TAB2: variants seen among roughly 807,000 people sequenced by gnomAD.
The protein encoded by TAB2 is TGF-beta activated kinase 1 (MAP3K7) binding protein 2, also known as TGF-beta-activated kinase 1 and MAP3K7-binding protein 2.
A neutral mutation model predicts 65.0 loss-of-function variants in TAB2; 3 were observed. The ratio of observed to expected loss-of-function variants is 0.05; its 90% CI spans 0.02 to 0.12. The LOEUF is 0.12. TAB2 is among the 10% of genes least tolerant of loss of function. The pLI, the probability that TAB2 is intolerant of heterozygous loss-of-function variation, is 1.00. For missense variants in TAB2, 623 were observed against 840.3 expected (o/e 0.74, Z 3.20); for synonymous variants, 298 against 285.1 (o/e 1.05, Z -0.46).
rs150843912 is a variant in TAB2 at position 149,327,860 on chromosome 6, T to C, written c.-90+9845T>C. On this transcript the variant is annotated intron_variant, in intron 1 of 6. Transcript: ENST00000637181. ...CTGCTTTTTTGCATATAAAAGTGCATTGACACGTGTTGAATGCCCTTTGAG... is the reference window on the plus strand; with the variant it reads ...CTGCTTTTTTGCATATAAAAGTGCACTGACACGTGTTGAATGCCCTTTGAG... Among the ~76,000 whole-genome samples the C allele has an allele frequency of 1.7e-3, 261 of 152,350 alleles. 1 individual carries two copies. The highest frequency in any genetic ancestry group is 5.8e-3 in the African/African-American group (243 of 41,572).
upstream of TAB2, chr6:149,218,172 G>A (rs1347285320): frequency 2.0e-5 from 3 of 152,218 alleles, no homozygotes; most frequent in Admixed American, 6.5e-5. Context: ...AATCTTTAAA[G>A]AAGAGTAGAA....
intron 1 of TAB2, among the ~76,000 whole-genome samples, chr6:149,232,374 C>T (rs566807194): frequency 6.6e-6 from 1 of 152,240 alleles, no homozygotes; most frequent in East Asian, 1.9e-4. Flanking sequence ...ATTACAGGCA[C>T]ACAACACCAC....
At chr6:149,308,934 A>G (rs547113291) in intron 1 of TAB2, among the ~76,000 whole-genome samples, 79 of 152,278 alleles carry the variant, frequency 5.2e-4, no homozygotes, top group Non-Finnish European at 9.1e-4. Flanking sequence ...TCTGTAGACT[A>G]TAAGTTCCAT....
intron 1 of TAB2, among the ~76,000 whole-genome samples, chr6:149,353,164 C>T (rs1780546437): frequency 6.6e-6 from 1 of 152,038 alleles, no homozygotes; most frequent in Admixed American, 6.6e-5. Context: ...TCCAGAAATT[C>T]TAAAACTCAT....
At chr6:149,348,128 C>T (rs756011565) in intron 1 of TAB2, among the ~76,000 whole-genome samples, 1 of 152,132 alleles carries the variant, frequency 6.6e-6, no homozygotes, top group Admixed American at 6.5e-5. Context: ...CACAGTGGCT[C>T]ACACCTGTTA....
intron 1 of TAB2, among the ~76,000 whole-genome samples, chr6:149,259,674 G>T (rs552456992): frequency 2.6e-5 from 4 of 152,210 alleles, no homozygotes; most frequent in Non-Finnish European, 5.9e-5. Flanking sequence ...TCATAAAAGA[G>T]TGGGGAGAGC....
At chr6:149,238,814 C>G (rs1777545790) in intron 1 of TAB2, among the ~76,000 whole-genome samples, 1 of 152,204 alleles carries the variant, frequency 6.6e-6, no homozygotes, top group South Asian at 2.1e-4. Flanking sequence ...TATGTGAGCA[C>G]AGCCGGATGT....
chr6:149,373,924 A>G (rs1462407850), intron 2 of TAB2, among the ~76,000 whole-genome samples: 1 of 152,204 alleles, frequency 6.6e-6, no homozygotes, highest in African/African-American at 2.4e-5. Context: ...TTGAAAAACT[A>G]CTGGATTCAT....
chr6:149,333,708 AGTGTGTGTGTGT>A (rs61004397), intron 1 of TAB2, among the ~76,000 whole-genome samples: 22 of 144,790 alleles, frequency 1.5e-4, no homozygotes, highest in East Asian at 4.1e-4. Flanking sequence ...CCAGATCCAT[AGTGTGTGTGTGT>A]GTGTGTGTGT....
At position 149,339,858 on chromosome 6, in the gene TAB2, C is replaced by T. The variant is rs532768949; in HGVS notation, c.-90+21843C>T. The stretch of plus-strand genomic sequence containing the variant: ...ACTCAGGTGATCCACCCGCCTCAGC[C>T]TCCCAAAGTGCTGAGCCACCATGCC... On this transcript the variant is annotated intron_variant, in intron 1 of 6. Coordinates refer to ENST00000637181, the MANE Select transcript of TAB2 (RefSeq NM_001292034.3). Among the ~76,000 whole-genome samples the T allele has an allele frequency of 8.5e-5, 13 of 152,238 alleles. No homozygotes were observed. In the South Asian group the frequency reaches 2.7e-3, roughly 32 times the overall value.
At chr6:149,280,235 A>G (rs1407717515) in intron 1 of TAB2, among the ~76,000 whole-genome samples, 1 of 152,164 alleles carries the variant, frequency 6.6e-6, no homozygotes, top group Non-Finnish European at 1.5e-5. Flanking sequence ...CTTGAATGTT[A>G]TCAGTACTAA....
intron 1 of TAB2, among the ~76,000 whole-genome samples, chr6:149,359,872 A>G (rs910312983): frequency 2.6e-5 from 4 of 152,198 alleles, no homozygotes; most frequent in Non-Finnish European, 4.4e-5. Context: ...TCAGTACACT[A>G]TCATTCTGGA....
At chr6:149,397,534 T>C in intron 3 of TAB2, 70 bp from the exon 4 acceptor site, 1 of 1,554,318 alleles carries the variant, frequency 6.4e-7, no homozygotes, top group African/African-American at 1.4e-5. Context: ...CTTGTTTGCT[T>C]TTCCAAGTCT....
intron 1 of TAB2, among the ~76,000 whole-genome samples, chr6:149,277,707 A>C (rs1443511303): frequency 6.6e-6 from 1 of 152,212 alleles, no homozygotes; most frequent in Non-Finnish European, 1.5e-5. Flanking sequence ...CCTTGTGAGA[A>C]GTGGAAGGCC....
chr6:149,329,997 C>T (rs1235051849), intron 1 of TAB2, among the ~76,000 whole-genome samples: 1 of 152,144 alleles, frequency 6.6e-6, no homozygotes, highest in African/African-American at 2.4e-5. Flanking sequence ...ACCTTTCCTT[C>T]CTGGCAACCA....
intron 1 of TAB2, among the ~76,000 whole-genome samples, chr6:149,225,081 T>G (rs1445502215): frequency 6.6e-6 from 1 of 152,242 alleles, no homozygotes; most frequent in East Asian, 1.9e-4. Flanking sequence ...TATTTGGGAC[T>G]GCAATTTGCT....
Position 149,357,419 on chromosome 6 carries a change from G to GAAAAAAAAA in TAB2, c.-89-12489_-89-12488insAAAAAAAAA, listed in dbSNP as rs1490716055. Among the ~76,000 whole-genome samples the GAAAAAAAAA allele has an allele frequency of 6.5e-5, 6 of 91,888 alleles. No homozygotes were observed. The East Asian group carries it at 1.1e-3, about 17-fold the overall frequency. The allele number at this position is 91,888 out of a possible 152,430, so 60.3% of individuals were successfully genotyped here. A position where few individuals can be genotyped will look rare whatever the true frequency, so the allele number is the denominator to read the frequency against. On this transcript the variant is annotated intron_variant, in intron 1 of 6. Transcript: ENST00000637181. Reference sequence around the variant, plus strand: ...CAATAGAGGGAGACTCCGTCTCAAGGAGAAAAAAAAAACACACACACACAC... The same window carrying GAAAAAAAAA: ...CAATAGAGGGAGACTCCGTCTCAAGGAAAAAAAAAAGAAAAAAAAAACACACACACACAC...
chr6:149,300,073 T>G (rs985187423), intron 1 of TAB2, among the ~76,000 whole-genome samples: 10 of 152,196 alleles, frequency 6.6e-5, no homozygotes, highest in Non-Finnish European at 1.2e-4. Flanking sequence ...ATACCTTTTT[T>G]CTTCCTATTT....
rs1036960463 is a variant in TAB2, at chr6:149,377,656, A to T, written c.103-362A>T. On this transcript the variant is annotated intron_variant, in intron 2 of 6. Coordinates refer to ENST00000637181, the MANE Select transcript of TAB2 (RefSeq NM_001292034.3). Reference sequence around the variant, plus strand: ...TTAGCTTTTTAAAAAATGTTTGATTATACAGTATTATATACTTAAGTTGAA... The same window carrying T: ...TTAGCTTTTTAAAAAATGTTTGATTTTACAGTATTATATACTTAAGTTGAA... 2.6e-5 allele frequency among the ~76,000 whole-genome samples: 4 copies of T among 152,244 alleles called. No individual in the cohort carries two copies. In the South Asian group the frequency reaches 6.2e-4, roughly 24 times the overall value.
Sources: allele counts gnomAD v4.1 joint callset (sites outside exome capture counted in the v4.1 genomes callset), GRCh38; gene constraint gnomAD v4.1.1; transcripts MANE v1.5; gene names NCBI Gene and HGNC (gene_info 2026-07-23, HGNC 2026-07-21).